The following AHI1 variants were observed in gnomAD, a reference collection of about 807,000 sequenced individuals.
The protein encoded by AHI1 is Abelson helper integration site 1.
A neutral mutation model predicts 149.3 loss-of-function variants in AHI1; 123 were observed. That is an observed-to-expected ratio of 0.82 (90% confidence interval 0.71 to 0.96). AHI1 has a LOEUF of 0.96. Among genes scored for constraint, AHI1 ranks in the 40% least tolerant of loss-of-function variants. The probability of loss-of-function intolerance (pLI) is 0.00; values close to 1 mark genes in which losing one functional copy is unlikely to be tolerated. For synonymous variants in AHI1, 475 were observed against 459.8 expected, an observed-to-expected ratio of 1.03 and a Z score of -0.42; for missense variants, 1,439 against 1,422.7, an observed-to-expected ratio of 1.01 and a Z score of -0.18.
intron 27 of AHI1, among the ~76,000 whole-genome samples, chr6:135,291,118 T>A (rs549120331): frequency 6.6e-6 from 1 of 151,804 alleles, no homozygotes; most frequent in South Asian, 2.1e-4. Context: ...CACTTTATAT[T>A]AGGAGAAAGA....
Position 135,465,800 on chromosome 6 carries a change from C to T in AHI1, c.749+14G>A, listed in dbSNP as rs1790647159. ...TTCTAAGAGGATATTTTACATTTAT[C>T]AATGCAAAAATACCTTGTTTCAGCT... On this transcript the variant is annotated intron_variant, in intron 7 of 28. Coordinates refer to ENST00000265602, the MANE Select transcript of AHI1 (RefSeq NM_001134831.2). The T allele has an allele frequency of 7.0e-7, 1 of 1,434,494 alleles. No individual in the cohort carries two copies. Among genetic ancestry groups the T allele is most frequent in the Admixed American group, 2.6e-5 (1 of 38,116 alleles). 88.9% of individuals were successfully genotyped at this position (1,434,494 alleles called of 1,614,324 possible).
chr6:135,352,738 A>G (rs373481124), intron 24 of AHI1, among the ~76,000 whole-genome samples: 1 of 143,224 alleles, frequency 7.0e-6, no homozygotes, highest in Non-Finnish European at 1.5e-5. Context: ...CACACACACA[A>G]TATATATACA....
rs371133433 is a variant in AHI1 at position 135,290,686 on chromosome 6, C to T, written c.3486-161G>A. ...ATCCGGCAGAACTAATGAGTATACA[C>T]GGGGATGAGAGACAAGGAATTGCTT... On this transcript the variant is annotated intron_variant, in intron 27 of 28. Transcript: ENST00000265602. 1.3e-4 allele frequency among the ~76,000 whole-genome samples: 20 copies of T among 152,130 alleles called. 1 individual carries two copies. The highest frequency in any genetic ancestry group is 1.9e-4 in the East Asian group (1 of 5,190).
intron 26 of AHI1, among the ~76,000 whole-genome samples, chr6:135,307,437 T>G (rs1159339700): frequency 1.3e-5 from 2 of 152,148 alleles, no homozygotes; most frequent in African/African-American, 2.4e-5. Context: ...ATTTAATTAT[T>G]AGACATTTTA....
Position 135,490,710 on chromosome 6 carries a change from A to T in AHI1, c.48T>A (p.Phe16Leu). The change falls in exon 5 of 29, where the codon TTT becomes TTA. Residue 16 changes from phenylalanine (F) to leucine (L), a missense_variant. Physicochemically the swap from Phe to Leu is conservative, Grantham distance 22. Coordinates refer to ENST00000265602, the MANE Select transcript of AHI1 (RefSeq NM_001134831.2). The part of the protein sequence containing the change: ...SEAKVKTKVR[F>L]EELLKTHSDL... ...CACTGTGGGTCTTAAGCAATTCTTC[A>T]AAGCGAACTTTGGTTTTTACTTTTG... 6.2e-7 allele frequency: 1 copy of T among 1,613,076 alleles called. No homozygotes were observed. The highest frequency in any genetic ancestry group is 8.5e-7 in the Non-Finnish European group (1 of 1,179,546).
At position 135,471,805 on chromosome 6, in the gene AHI1, G is replaced by A. The variant is rs577174073; in HGVS notation, c.136-4171C>T. Among the ~76,000 whole-genome samples the A allele has an allele frequency of 4.7e-3, 714 of 151,702 alleles. 7 individuals are homozygous for A. The highest frequency in any genetic ancestry group is 7.2e-3 in the Non-Finnish European group (492 of 67,876). ...AGGCGGGTGGATCATGAGGTCAGGA[G>A]ATCGAGACCATCCTGGCTAACAAGG... On this transcript the variant is annotated intron_variant, in intron 5 of 28. Coordinates refer to ENST00000265602, the MANE Select transcript of AHI1 (RefSeq NM_001134831.2).
intron 24 of AHI1, among the ~76,000 whole-genome samples, chr6:135,347,081 A>G (rs1204944765): frequency 6.6e-6 from 1 of 152,232 alleles, no homozygotes; most frequent in Non-Finnish European, 1.5e-5. Context: ...AATGTTTTCC[A>G]AGAAATGTTT....
chr6:135,404,097 T>C (rs777043743), intron 22 of AHI1, among the ~76,000 whole-genome samples: 1 of 152,180 alleles, frequency 6.6e-6, no homozygotes, highest in South Asian at 2.1e-4. Context: ...TCTAATTCTT[T>C]CCTTCTGGAT....
chr6:135,495,150 A>C (rs1182987550), intron 3 of AHI1, among the ~76,000 whole-genome samples: 1 of 151,490 alleles, frequency 6.6e-6, no homozygotes, highest in Non-Finnish European at 1.5e-5. Flanking sequence ...TTTTGTTTTA[A>C]GATTGTTTCC....
rs1476547280 is a variant in AHI1, at chr6:135,335,279, G to A, written c.3166-11955C>T. ...TGCTCAAACTGCAACTAGGAGTATAGTATATAATTTTTAGGTTTCCTTACA... is the reference window on the plus strand; with the variant it reads ...TGCTCAAACTGCAACTAGGAGTATAATATATAATTTTTAGGTTTCCTTACA... On this transcript the variant is annotated intron_variant, in intron 24 of 28. Transcript: ENST00000265602. Among the ~76,000 whole-genome samples the A allele has an allele frequency of 4.6e-5, 7 of 151,942 alleles. No individual in the cohort carries two copies. The East Asian group carries it at 1.4e-3, about 29-fold the overall frequency.
chr6:135,443,149 A>C (rs1264369143), intron 13 of AHI1, among the ~76,000 whole-genome samples: 2 of 152,214 alleles, frequency 1.3e-5, no homozygotes, highest in Admixed American at 1.3e-4. Flanking sequence ...ATGAATGCTT[A>C]TTCTCTCTTT....
intron 20 of AHI1, among the ~76,000 whole-genome samples, chr6:135,421,539 G>A (rs954422783): frequency 1.3e-5 from 2 of 151,818 alleles, no homozygotes; most frequent in Non-Finnish European, 2.9e-5. Context: ...ATTTGATCAG[G>A]GTCAAATACA....
intron 23 of AHI1, among the ~76,000 whole-genome samples, chr6:135,379,499 ATTG>A (rs1400978850): frequency 6.6e-6 from 1 of 152,094 alleles, no homozygotes; most frequent in Non-Finnish European, 1.5e-5. Context: ...ATGAGGCCTT[ATTG>A]TCTTCTTTAA....
At position 135,407,572 on chromosome 6, in the gene AHI1, T is replaced by C. The variant is rs1319774139; in HGVS notation, c.2962-2595A>G. On this transcript the variant is annotated intron_variant, in intron 21 of 28. Transcript: ENST00000265602. The stretch of plus-strand genomic sequence containing the variant: ...TTCATTTCCAAAGGCAGCTTCTATC[T>C]ACCTCAATACCAAAGCAGACATATT... Among the ~76,000 whole-genome samples the C allele has an allele frequency of 6.6e-5, 10 of 152,220 alleles. No homozygotes were observed. The East Asian group carries it at 1.9e-3, about 29-fold the overall frequency.
In AHI1 at chr6:135,490,718, CTT is replaced by C; in HGVS notation, c.38_39del (p.Lys13SerfsTer4). 6.2e-7 allele frequency: 1 copy of C among 1,612,878 alleles called. No homozygotes were observed. The highest frequency in any genetic ancestry group is 8.5e-7 in the Non-Finnish European group (1 of 1,179,482). On this transcript the variant is annotated frameshift_variant, in exon 5 of 29. Transcript: ENST00000265602. LOFTEE classifies it high-confidence loss of function. ...TAESEAKVKT[K>X]VRFEELLKTH... ...GTCTTAAGCAATTCTTCAAAGCGAA[CTT>C]TGGTTTTTACTTTTGCTTCACTCTC...
intron 23 of AHI1, among the ~76,000 whole-genome samples, chr6:135,373,389 TGTAAG>T (rs1445624723): frequency 6.6e-6 from 1 of 152,206 alleles, no homozygotes; most frequent in African/African-American, 2.4e-5. Context: ...TCTAGGTTTG[TGTAAG>T]TACACTCTAT....
intron 23 of AHI1, among the ~76,000 whole-genome samples, chr6:135,386,484 A>G (rs541627881): frequency 4.2e-4 from 64 of 151,388 alleles, no homozygotes; most frequent in African/African-American, 1.5e-3. Flanking sequence ...CTAATTTTTT[A>G]TATTTTTAGT....
chr6:135,434,856 T>C (rs1785167712), intron 15 of AHI1, among the ~76,000 whole-genome samples: 2 of 152,176 alleles, frequency 1.3e-5, no homozygotes, highest in Admixed American at 6.5e-5. Flanking sequence ...CATATAGGCC[T>C]GTGTGGGAGC....
intron 11 of AHI1, among the ~76,000 whole-genome samples, chr6:135,452,593 A>C (rs1381193073): frequency 6.6e-6 from 1 of 152,190 alleles, no homozygotes; most frequent in Non-Finnish European, 1.5e-5. Flanking sequence ...TTTTGTTTAA[A>C]ATCCCACAGT....
Sources: gnomAD v4.1 joint callset for allele counts (sites outside exome capture counted in the v4.1 genomes callset) on GRCh38, gnomAD v4.1.1 for gene constraint, MANE v1.5 for transcripts, NCBI Gene and HGNC (gene_info 2026-07-23, HGNC 2026-07-21) for gene names.